Variants in PLCH1 observed in about 807,000 individuals in gnomAD.
PLCH1 encodes phospholipase C eta 1, also known as 1-phosphatidylinositol 4,5-bisphosphate phosphodiesterase eta-1.
PLCH1 carries 60 observed loss-of-function variants against 126.7 expected under a neutral mutation model. The observed-to-expected ratio is 0.47, with a 90% CI of 0.38 to 0.59. PLCH1 has a LOEUF of 0.59. PLCH1 is among the 20% of genes least tolerant of loss of function. The pLI, the probability that PLCH1 is intolerant of heterozygous loss-of-function variation, is 0.00. For missense variants in PLCH1, 1,723 were observed against 2,040.0 expected, an observed-to-expected ratio of 0.84 and a Z score of 2.99; for synonymous variants, 719 against 734.9, an observed-to-expected ratio of 0.98 and a Z score of 0.35.
intron 10 of PLCH1, among the ~76,000 whole-genome samples, chr3:155,527,670 C>T (rs1020312695): frequency 6.6e-6 from 1 of 151,754 alleles, no homozygotes; most frequent in South Asian, 2.1e-4. Flanking sequence ...AACCCCAGCC[C>T]TTTGGGAGGC....
intron 8 of PLCH1, among the ~76,000 whole-genome samples, chr3:155,563,922 T>C (rs747902363): frequency 6.6e-5 from 10 of 152,038 alleles, no homozygotes; most frequent in Admixed American, 5.9e-4. Flanking sequence ...ATTTTCACAT[T>C]GTTTCTCTCT....
chr3:155,738,348 A>G (rs1749353921), intron 1 of PLCH1, among the ~76,000 whole-genome samples: 2 of 152,220 alleles, frequency 1.3e-5, no homozygotes, highest in South Asian at 4.1e-4. Flanking sequence ...TGCGCTATTA[A>G]GAATGCTGGA....
chr3:155,464,310 C>T (rs1044460936), intron 21 of PLCH1, among the ~76,000 whole-genome samples: 3 of 152,134 alleles, frequency 2.0e-5, no homozygotes, highest in Admixed American at 2.0e-4. Context: ...GCTTATGGAA[C>T]CTTATTCTGT....
At chr3:155,653,045 T>C (rs1339420507) in intron 2 of PLCH1, among the ~76,000 whole-genome samples, 2 of 152,158 alleles carry the variant, frequency 1.3e-5, no homozygotes, top group East Asian at 3.8e-4. Context: ...ACAAGACTAC[T>C]GCCACGTGGG....
intron 6 of PLCH1, among the ~76,000 whole-genome samples, chr3:155,576,434 G>A (rs901867645): frequency 2.6e-5 from 4 of 152,144 alleles, no homozygotes; most frequent in African/African-American, 4.8e-5. Context: ...TGGCACAGCC[G>A]TGTTTTAAGA....
intron 1 of PLCH1, among the ~76,000 whole-genome samples, chr3:155,719,622 A>G (rs1747793656): frequency 6.6e-6 from 1 of 151,876 alleles, no homozygotes; most frequent in African/African-American, 2.4e-5. Context: ...GAACTGTTGT[A>G]CTTTTTGGTA....
At chr3:155,641,931 T>C (rs1319407312) in intron 2 of PLCH1, among the ~76,000 whole-genome samples, 1 of 152,092 alleles carries the variant, frequency 6.6e-6, no homozygotes, top group Non-Finnish European at 1.5e-5. Context: ...AATGCTAAGA[T>C]TCACCAGCTG....
At chr3:155,651,435 AT>A (rs1472901977) in intron 2 of PLCH1, among the ~76,000 whole-genome samples, 3 of 152,158 alleles carry the variant, frequency 2.0e-5, no homozygotes, top group Admixed American at 1.3e-4. Context: ...CAATTGTAAT[AT>A]CTACAGAGGG....
Position 155,568,409 on chromosome 3 carries a change from A to C in PLCH1, c.772-85T>G, listed in dbSNP as rs527402306. 50 of 637,410 alleles carry C rather than the reference A, an allele frequency of 7.8e-5. No individual in the cohort carries two copies. The East Asian group carries it at 1.4e-3, about 18-fold the overall frequency. The allele number at this position is 637,410 out of a possible 1,614,324, so 39.5% of individuals were successfully genotyped here. A position where few individuals can be genotyped will look rare whatever the true frequency, so the allele number is the denominator to read the frequency against. On this transcript the variant is annotated intron_variant, in intron 6 of 22. Coordinates refer to ENST00000460012, the MANE Select transcript of PLCH1 (RefSeq NM_014996.4). Reference sequence around the variant, plus strand: ...GTAGAAAGACATTTACTGATTTTGCATTCTTCACACCGTACAAAGTACCTA... The same window carrying C: ...GTAGAAAGACATTTACTGATTTTGCCTTCTTCACACCGTACAAAGTACCTA...
At chr3:155,744,695 T>C (rs1036419785) in intron 1 of PLCH1, 145 bp downstream of exon 1, 2 of 152,280 alleles carry the variant, frequency 1.3e-5, no homozygotes, top group Non-Finnish European at 2.9e-5. Context: ...GCACTCACAG[T>C]CCTAAACAGG....
chr3:155,519,832 T>TC (rs1183214227), intron 11 of PLCH1, among the ~76,000 whole-genome samples: 1 of 142,576 alleles, frequency 7.0e-6, no homozygotes, highest in East Asian at 2.2e-4. Flanking sequence ...TATTTCAACA[T>TC]CCCCCCAATT....
chr3:155,688,419 T>G (rs1047181989), intron 2 of PLCH1, among the ~76,000 whole-genome samples: 1 of 152,178 alleles, frequency 6.6e-6, no homozygotes. Context: ...GAATACTGGC[T>G]TTTAGAATTA....
intron 1 of PLCH1, among the ~76,000 whole-genome samples, chr3:155,716,370 C>A (rs1747508043): frequency 6.6e-6 from 1 of 152,196 alleles, no homozygotes; most frequent in Admixed American, 6.5e-5. Context: ...TTACTTCATT[C>A]AAATCTTGTG....
intron 2 of PLCH1, among the ~76,000 whole-genome samples, chr3:155,670,516 C>A (rs1414907081): frequency 1.3e-5 from 2 of 152,112 alleles, no homozygotes; most frequent in African/African-American, 4.8e-5. Flanking sequence ...TTTAGAGAGA[C>A]AGCTGAAGTA....
intron 2 of PLCH1, among the ~76,000 whole-genome samples, chr3:155,648,487 G>A (rs1251049418): frequency 6.6e-6 from 1 of 152,146 alleles, no homozygotes; most frequent in Non-Finnish European, 1.5e-5. Flanking sequence ...TGGTGAACAT[G>A]CAACTTCCAT....
intron 2 of PLCH1, among the ~76,000 whole-genome samples, chr3:155,694,774 C>A (rs1745670796): frequency 6.6e-6 from 1 of 152,162 alleles, no homozygotes; most frequent in Non-Finnish European, 1.5e-5. Flanking sequence ...AATGGACTCT[C>A]ATAGTGCCTG....
intron 4 of PLCH1, among the ~76,000 whole-genome samples, chr3:155,592,057 T>C (rs920583076): frequency 6.6e-6 from 1 of 151,846 alleles, no homozygotes; most frequent in African/African-American, 2.4e-5. Flanking sequence ...AGTTTAATTA[T>C]GTCAGTTAAT....
chr3:155,593,210 C>T (rs757429956), intron 4 of PLCH1, among the ~76,000 whole-genome samples: 2 of 152,182 alleles, frequency 1.3e-5, no homozygotes, highest in African/African-American at 2.4e-5. Context: ...CTTATACCCT[C>T]ACTTTACAGA....
At chr3:155,673,689 T>C (rs1400626974) in intron 2 of PLCH1, among the ~76,000 whole-genome samples, 2 of 152,192 alleles carry the variant, frequency 1.3e-5, no homozygotes, top group Non-Finnish European at 2.9e-5. Context: ...CTATTTTTTC[T>C]TCTTATAAAA....
Sources: allele counts gnomAD v4.1 joint callset (sites outside exome capture counted in the v4.1 genomes callset), GRCh38; gene constraint gnomAD v4.1.1; transcripts MANE v1.5; gene names NCBI Gene and HGNC (gene_info 2026-07-23, HGNC 2026-07-21).